ARMH3: variants seen among roughly 807,000 people sequenced by gnomAD.
ARMH3 encodes armadillo-like helical domain-containing protein 3.
ARMH3 carries 60 observed loss-of-function variants against 99.1 expected under a neutral mutation model. That is an observed-to-expected ratio of 0.61 (90% confidence interval 0.49 to 0.75). ARMH3 has a LOEUF of 0.75. Among genes scored for constraint, ARMH3 ranks in the 30% least tolerant of loss-of-function variants. The pLI is 0.00. For missense variants in ARMH3, 679 were observed against 843.1 expected (o/e 0.81, Z 2.41); for synonymous variants, 285 against 292.8 (o/e 0.97, Z 0.27).
At chr10:101,959,673 AAAT>A (rs958225592) in intron 20 of ARMH3, among the ~76,000 whole-genome samples, 3 of 152,176 alleles carry the variant, frequency 2.0e-5, no homozygotes, top group African/African-American at 7.2e-5. Flanking sequence ...ACAAAGTGAG[AAAT>A]ATTAGAGGAG....
intron 23 of ARMH3, among the ~76,000 whole-genome samples, chr10:101,933,486 G>T (rs559579548): frequency 2.0e-4 from 30 of 152,230 alleles, no homozygotes; most frequent in African/African-American, 7.2e-4. Context: ...CCAAACTAAG[G>T]TAAAACAGAT....
At chr10:101,961,831 G>T (rs1224511692) in intron 20 of ARMH3, among the ~76,000 whole-genome samples, 5 of 152,158 alleles carry the variant, frequency 3.3e-5, no homozygotes, top group Non-Finnish European at 7.3e-5. Flanking sequence ...AAAAAATAAG[G>T]GGATGATTGC....
Position 102,029,727 on chromosome 10 carries a change from G to A in ARMH3, c.325C>T (p.Arg109Ter), listed in dbSNP as rs1218414050. 1.9e-6 allele frequency: 3 copies of A among 1,613,860 alleles called. No homozygotes were observed. The highest frequency in any genetic ancestry group is 1.3e-5 in the African/African-American group (1 of 74,988). ...GACTTATTCTTTTGATGGACTCCTC[G>A]AATGAGTGCGCACAGGGTCTGCAGA... ...NALQTLCALI[R>*]GVHQKNKSTS... The change falls in exon 5 of 26, where the codon CGA (arginine) becomes TGA (stop). Residue 109 changes from arginine to a stop codon, truncating the protein, a stop_gained. Coordinates refer to ENST00000370033, the MANE Select transcript of ARMH3 (RefSeq NM_024541.3). LOFTEE classifies it high-confidence loss of function.
rs748975345 is a variant in ARMH3, at chr10:101,975,254, ACTT to A, written c.1450_1452del (p.Lys484del). ...CAGGTGTAATGCAGGCGTACCCGACACTTCTTCTGGTAGCAGAGCAGTTTGTGT... is the reference window on the plus strand; with the variant it reads ...CAGGTGTAATGCAGGCGTACCCGACACTTCTGGTAGCAGAGCAGTTTGTGT... On this transcript the variant is annotated inframe_deletion, in exon 20 of 26. Coordinates refer to ENST00000370033, the MANE Select transcript of ARMH3 (RefSeq NM_024541.3). 5.0e-6 allele frequency: 8 copies of A among 1,612,648 alleles called. No individual in the cohort carries two copies. The highest frequency in any genetic ancestry group is 2.2e-5 in the East Asian group (1 of 44,838).
intron 8 of ARMH3, among the ~76,000 whole-genome samples, chr10:102,017,090 T>C (rs1432742726): frequency 1.3e-5 from 2 of 152,174 alleles, no homozygotes; most frequent in Non-Finnish European, 2.9e-5. Flanking sequence ...ACTTACCCCA[T>C]TGGTCATGAG....
intron 20 of ARMH3, among the ~76,000 whole-genome samples, chr10:101,974,841 C>T (rs561424483): frequency 7.2e-5 from 11 of 152,032 alleles, no homozygotes; most frequent in African/African-American, 2.7e-4. Flanking sequence ...AGTCCATATG[C>T]GGCTATCAAA....
At chr10:101,956,821 T>C (rs1564792259) in intron 21 of ARMH3, 98 bp from the exon 22 acceptor site, 2 of 1,251,108 alleles carry the variant, frequency 1.6e-6, no homozygotes, top group East Asian at 2.7e-5. Flanking sequence ...CTTGCAAGAG[T>C]TGACTGTAAA....
At chr10:101,913,686 C>A (rs1347889823) in intron 23 of ARMH3, among the ~76,000 whole-genome samples, 1 of 152,278 alleles carries the variant, frequency 6.6e-6, no homozygotes, top group East Asian at 1.9e-4. Context: ...TTGACCAGAG[C>A]CAAAGGCTCC....
intron 23 of ARMH3, among the ~76,000 whole-genome samples, chr10:101,925,045 C>A (rs1319233361): frequency 6.6e-6 from 1 of 152,006 alleles, no homozygotes; most frequent in Admixed American, 6.6e-5. Flanking sequence ...AAAGCAGCAC[C>A]ACACAAACCA....
At chr10:101,867,504 A>G (rs530935355) in intron 24 of ARMH3, among the ~76,000 whole-genome samples, 1 of 152,320 alleles carries the variant, frequency 6.6e-6, no homozygotes, top group African/African-American at 2.4e-5. Flanking sequence ...AAAATCTGGA[A>G]GGATTACAAC....
At chr10:102,020,492 T>C (rs537109089) in intron 8 of ARMH3, among the ~76,000 whole-genome samples, 12 of 152,084 alleles carry the variant, frequency 7.9e-5, no homozygotes, top group African/African-American at 2.4e-4. Context: ...CTGGCCACCC[T>C]AGCTAACACG....
intron 23 of ARMH3, among the ~76,000 whole-genome samples, chr10:101,929,950 A>G (rs145708331): frequency 6.6e-6 from 1 of 152,230 alleles, no homozygotes; most frequent in East Asian, 1.9e-4. Flanking sequence ...GAGCATCCCT[A>G]ATCCAGAAAT....
At chr10:101,867,997 G>A (rs956451154) in intron 24 of ARMH3, among the ~76,000 whole-genome samples, 1 of 151,372 alleles carries the variant, frequency 6.6e-6, no homozygotes, top group Non-Finnish European at 1.5e-5. Flanking sequence ...AAAAAGAATT[G>A]GAAAAAGCCA....
chr10:102,022,286 T>G (rs1300199095), intron 8 of ARMH3, among the ~76,000 whole-genome samples: 1 of 151,644 alleles, frequency 6.6e-6, no homozygotes, highest in Non-Finnish European at 1.5e-5. Context: ...AATCCTGGGC[T>G]AATCATCATA....
intron 14 of ARMH3, among the ~76,000 whole-genome samples, chr10:102,003,721 G>C (rs2066420569): frequency 6.6e-6 from 1 of 152,128 alleles, no homozygotes; most frequent in African/African-American, 2.4e-5. Flanking sequence ...CATATGCAGA[G>C]AACATTTATG....
chr10:101,915,136 T>G (rs1843025878), intron 23 of ARMH3, among the ~76,000 whole-genome samples: 1 of 152,174 alleles, frequency 6.6e-6, no homozygotes, highest in Non-Finnish European at 1.5e-5. Context: ...TCATCTAGTA[T>G]ATCTGCATTA....
At chr10:101,922,138 G>C (rs993197707) in intron 23 of ARMH3, among the ~76,000 whole-genome samples, 3 of 151,924 alleles carry the variant, frequency 2.0e-5, no homozygotes, top group Non-Finnish European at 4.4e-5. Flanking sequence ...ATTTTAAAAA[G>C]GTGTCCAGTT....
chr10:101,912,236 T>C (rs1293288892), intron 23 of ARMH3, among the ~76,000 whole-genome samples: 2 of 151,416 alleles, frequency 1.3e-5, no homozygotes, highest in African/African-American at 4.9e-5. Context: ...CTACTAAAAA[T>C]ACAAAAATTA....
rs55633048 is a variant in ARMH3 at position 101,944,273 on chromosome 10, T to TAGAG, written c.1706-4339_1706-4336dup. On this transcript the variant is annotated intron_variant, in intron 22 of 25. Transcript: ENST00000370033. ...ATATATATATATATATATATATATA[T>TAGAG]AGAGAGAGAGAGAGAGAGAGAGAGA... is the stretch of plus-strand genomic sequence containing the variant. 2.7e-3 allele frequency among the ~76,000 whole-genome samples: 69 copies of TAGAG among 25,406 alleles called. 1 individual carries two copies. Among genetic ancestry groups the TAGAG allele is most frequent in the Admixed American group, 6.2e-3 (11 of 1,784 alleles). 16.7% of individuals were successfully genotyped at this position (25,406 alleles called of 152,430 possible). A position where few individuals can be genotyped will look rare whatever the true frequency, so the allele number is the denominator to read the frequency against.
Sources: gnomAD v4.1 joint callset for allele counts (sites outside exome capture counted in the v4.1 genomes callset) on GRCh38, gnomAD v4.1.1 for gene constraint, MANE v1.5 for transcripts, NCBI Gene and HGNC (gene_info 2026-07-23, HGNC 2026-07-21) for gene names.